The following MAML3 variants were observed in gnomAD, a reference collection of about 807,000 sequenced individuals.
MAML3 encodes the protein mastermind-like protein 3.
MAML3 carries 27 observed loss-of-function variants against 101.9 expected under a neutral mutation model. The observed-to-expected ratio is 0.27, with a 90% CI of 0.20 to 0.37. The LOEUF (loss-of-function observed/expected upper bound fraction) is 0.37. MAML3 is among the 10% of genes least tolerant of loss of function. The pLI is 1.00. For missense variants in MAML3, 1,316 were observed against 1,444.9 expected, an observed-to-expected ratio of 0.91 and a Z score of 1.45; for synonymous variants, 501 against 555.9, an observed-to-expected ratio of 0.90 and a Z score of 1.39.
chr4:139,890,753 G>C lies in MAML3; in HGVS notation c.683C>G (p.Pro228Arg). The change falls in exon 2 of 5, where the codon CCC becomes CGC. Residue 228 changes from proline to arginine, a missense_variant. Pro to Arg is a moderately radical substitution (Grantham distance 103, BLOSUM62 -2). Transcript: ENST00000509479. This position sits in a 1 kb window ranked among gnomAD's most constrained non-coding sequence, Gnocchi z 4.1. ...AGTGTGAGTTCCACTGTTCTGCAAG[G>C]GCAAAGAAGGTTTCAGGTCAAGTTG... ...LHQLDLKPSL[P>R]LQNSGTHTPG... 2 of 1,614,020 alleles carry C rather than the reference G, an allele frequency of 1.2e-6. No individual in the cohort carries two copies. Among genetic ancestry groups the C allele is most frequent in the Non-Finnish European group, 1.7e-6 (2 of 1,179,904 alleles).
chr4:140,071,755 TAGAGAGAGAG>T (rs11268401), intron 1 of MAML3, among the ~76,000 whole-genome samples: 137 of 137,358 alleles, frequency 1.0e-3, no homozygotes, highest in Middle Eastern at 3.8e-3. Context: ...GGACCAGGAT[TAGAGAGAGAG>T]AGAGAGAGAG....
In MAML3 at chr4:139,994,318, T is replaced by C. The variant is rs142912705; in HGVS notation, c.469-103351A>G. Among the ~76,000 whole-genome samples, 132 of 152,348 alleles carry C rather than the reference T, an allele frequency of 8.7e-4. 3 individuals carry two copies. The East Asian group carries it at 0.024, about 27-fold the overall frequency. ...TCTTAAGTCTTTTCTTTTTAAATAT[T>C]ATTGGGAATGGAATTGGGTTCTTAA... On this transcript the variant is annotated intron_variant, in intron 1 of 4. Transcript: ENST00000509479.
At chr4:139,784,714 C>T (rs777703900) in intron 2 of MAML3, among the ~76,000 whole-genome samples, 1 of 152,246 alleles carries the variant, frequency 6.6e-6, no homozygotes, top group Non-Finnish European at 1.5e-5. Context: ...ACCAATTAAA[C>T]TGGAAGGGTA....
intron 1 of MAML3, among the ~76,000 whole-genome samples, chr4:140,027,002 T>A (rs1306418145): frequency 6.7e-6 from 1 of 150,022 alleles, no homozygotes; most frequent in African/African-American, 2.5e-5. Context: ...AATTAAAAAC[T>A]AAATTAAAAA....
intron 1 of MAML3, among the ~76,000 whole-genome samples, chr4:140,060,657 C>G (rs1727432401): frequency 6.6e-6 from 1 of 151,952 alleles, no homozygotes; most frequent in African/African-American, 2.4e-5. Context: ...AGTGTCAGAT[C>G]CTTTATTAAT....
intron 1 of MAML3, among the ~76,000 whole-genome samples, chr4:140,030,056 T>C (rs1046988424): frequency 3.9e-5 from 6 of 152,174 alleles, no homozygotes; most frequent in African/African-American, 1.4e-4. Context: ...GGTAAGGATA[T>C]TGTTTTTCCC....
intron 1 of MAML3, among the ~76,000 whole-genome samples, chr4:140,119,508 G>C (rs971160606): frequency 1.3e-5 from 2 of 151,882 alleles, no homozygotes; most frequent in African/African-American, 4.8e-5. Context: ...TTCTTCTATC[G>C]TATCTTCTGG....
chr4:139,943,453 A>G (rs538218194), intron 1 of MAML3, among the ~76,000 whole-genome samples: 1 of 152,304 alleles, frequency 6.6e-6, no homozygotes, highest in South Asian at 2.1e-4. Flanking sequence ...TAAGAAGCCC[A>G]TGTAATTGGA....
At chr4:139,874,805 C>CG (rs1732076797) in intron 2 of MAML3, among the ~76,000 whole-genome samples, 1 of 133,118 alleles carries the variant, frequency 7.5e-6, no homozygotes, top group East Asian at 2.2e-4. Context: ...CCTATCTTTC[C>CG]TTTTTTTTTT....
chr4:139,771,957 AGTCCGGGCG>A (rs1402573840), intron 2 of MAML3, among the ~76,000 whole-genome samples: 1 of 150,088 alleles, frequency 6.7e-6, no homozygotes, highest in Non-Finnish European at 1.5e-5. Flanking sequence ...AAAAAAAAAA[AGTCCGGGCG>A]CGGTGGCTCA....
At chr4:140,038,361 A>G (rs1036417547) in intron 1 of MAML3, among the ~76,000 whole-genome samples, 6 of 152,232 alleles carry the variant, frequency 3.9e-5, no homozygotes, top group African/African-American at 1.4e-4. Context: ...CCAAAGAAAA[A>G]TATTTGGACT....
At chr4:140,085,549 C>T (rs766560523) in intron 1 of MAML3, among the ~76,000 whole-genome samples, 3 of 152,174 alleles carry the variant, frequency 2.0e-5, no homozygotes, top group Admixed American at 6.5e-5. Flanking sequence ...TCCTCCCACT[C>T]GCTACGAACT....
intron 1 of MAML3, among the ~76,000 whole-genome samples, chr4:140,131,681 C>T (rs1480887260): frequency 2.6e-5 from 4 of 152,206 alleles, no homozygotes; most frequent in Admixed American, 6.5e-5. Context: ...TCTAGCTCTC[C>T]CCTCCATGGC....
At chr4:140,024,897 C>T (rs1726795263) in intron 1 of MAML3, among the ~76,000 whole-genome samples, 1 of 152,088 alleles carries the variant, frequency 6.6e-6, no homozygotes, top group Admixed American at 6.6e-5. Flanking sequence ...TGCTTAATAA[C>T]AAAAGTGAGA....
chr4:140,013,980 T>C (rs556053715), intron 1 of MAML3, among the ~76,000 whole-genome samples: 2 of 152,322 alleles, frequency 1.3e-5, no homozygotes, highest in Admixed American at 6.5e-5. Context: ...CTGAAAGCAC[T>C]TGAGAATGGG....
At chr4:139,755,812 T>C (rs987051115) in intron 2 of MAML3, among the ~76,000 whole-genome samples, 1 of 152,144 alleles carries the variant, frequency 6.6e-6, no homozygotes, top group African/African-American at 2.4e-5. Flanking sequence ...TGTATGAATT[T>C]TAGGCAATGG....
chr4:139,854,486 G>A (rs1187699895), intron 2 of MAML3, among the ~76,000 whole-genome samples: 7 of 149,684 alleles, frequency 4.7e-5, no homozygotes, highest in Non-Finnish European at 1.5e-5. Flanking sequence ...TGAGGGGACT[G>A]GATGTGCTCT....
At chr4:139,949,094 C>T (rs1733788738) in intron 1 of MAML3, among the ~76,000 whole-genome samples, 1 of 152,166 alleles carries the variant, frequency 6.6e-6, no homozygotes, top group Admixed American at 6.5e-5. Context: ...CGGCTCACTG[C>T]AACCTCCGCC....
At chr4:140,074,238 A>AAAGG (rs1459749572) in intron 1 of MAML3, among the ~76,000 whole-genome samples, 3 of 147,584 alleles carry the variant, frequency 2.0e-5, no homozygotes, top group Non-Finnish European at 3.0e-5. Context: ...AGAAAGAAAG[A>AAAGG]AAGAAAGAAA....
Sources: gnomAD v4.1 joint callset for allele counts (sites outside exome capture counted in the v4.1 genomes callset) on GRCh38, gnomAD v4.1.1 for gene constraint, Gnocchi (gnomAD v3.1) non-coding constraint, MANE v1.5 for transcripts, NCBI Gene and HGNC (gene_info 2026-07-23, HGNC 2026-07-21) for gene names.